Variants in DPEP2 observed in about 807,000 individuals in gnomAD.
DPEP2 encodes dipeptidase 2.
In DPEP2, 45 loss-of-function variants were observed where a neutral mutation model predicts 51.8. That is an observed-to-expected ratio of 0.87 (90% confidence interval 0.68 to 1.11). The LOEUF is 1.11. Among genes scored for constraint, DPEP2 ranks in the 50% most tolerant of loss-of-function variants. The pLI is 0.00. For missense variants in DPEP2, 604 were observed against 631.9 expected, an observed-to-expected ratio of 0.96 and a Z score of 0.47; for synonymous variants, 255 against 262.7, an observed-to-expected ratio of 0.97 and a Z score of 0.28.
Position 67,992,654 on chromosome 16 carries a change from C to G in DPEP2, c.264-18G>C, listed in dbSNP as rs2032320647. 1 of 1,609,926 alleles carries G rather than the reference C, an allele frequency of 6.2e-7. No individual in the cohort carries two copies. Among genetic ancestry groups the G allele is most frequent in the African/African-American group, 1.3e-5 (1 of 74,872 alleles). The stretch of plus-strand genomic sequence containing the variant: ...CGTTGTGGCTGGAGGGATGTCAAGC[C>G]AGGGTCAGGTGAAGAACAGACAGAT... On this transcript the variant is annotated intron_variant, in intron 2 of 10. Transcript: ENST00000393847.
chr16:67,992,881 A>G (rs1229687555), intron 2 of DPEP2, 69 bp downstream of exon 2: 4 of 1,537,714 alleles, frequency 2.6e-6, no homozygotes, highest in South Asian at 2.4e-5. Flanking sequence ...ACAGCCCTGC[A>G]TACTCTGGGA....
intron 1 of DPEP2, among the ~76,000 whole-genome samples, chr16:67,997,017 TTATTA>T (rs1055928577): frequency 6.9e-5 from 10 of 144,646 alleles, no homozygotes; most frequent in Non-Finnish European, 1.5e-4. Context: ...ATTATTATTA[TTATTA>T]TTATTATTAT....
chr16:67,997,650 C>G (rs2032780186), intron 1 of DPEP2, among the ~76,000 whole-genome samples: 1 of 152,178 alleles, frequency 6.6e-6, no homozygotes, highest in Non-Finnish European at 1.5e-5. Flanking sequence ...GCCACCGCGC[C>G]CAGCTCACAT....
At chr16:68,000,390 G>A, upstream of DPEP2, 1 of 973,304 alleles carries the variant, frequency 1.0e-6, no homozygotes, top group Non-Finnish European at 1.2e-6. Context: ...CTGAGTTATA[G>A]CTGCACAGGC....
chr16:67,993,943 C>A (rs531067808), intron 1 of DPEP2: 2 of 985,620 alleles, frequency 2.0e-6, no homozygotes, highest in South Asian at 4.7e-5. Flanking sequence ...CTCCGCCCCC[C>A]GCCCCGACCG....
In DPEP2 at chr16:67,990,882, G is replaced by A. The variant is rs1452721094; in HGVS notation, c.848C>T (p.Ser283Leu). The A allele has an allele frequency of 1.2e-6, 2 of 1,614,184 alleles. No individual in the cohort carries two copies. The highest frequency in any genetic ancestry group is 1.7e-5 in the Admixed American group (1 of 60,024). ...ACTGTTGCACACACCCCGGGCAGCC[G>A]AGTGGGAGAAGATCACAGGTGCCTG... ...VSQAPVIFSHSAARGVCNSAR... is the reference protein window; with the variant it reads ...VSQAPVIFSHLAARGVCNSAR... Residue 283 changes from serine to leucine, a missense_variant, in exon 7 of 11, where the codon TCG becomes TTG. Transcript: ENST00000393847.
rs374079480 is a variant in DPEP2 at position 67,998,567 on chromosome 16, G to A, written c.-46+808C>T. Reference sequence around the variant, plus strand: ...GCCGCCCCCTGCTCCACAGCGCCCAGTCCCATCGACCACCACAGGGCTGAG... The same window carrying A: ...GCCGCCCCCTGCTCCACAGCGCCCAATCCCATCGACCACCACAGGGCTGAG... On this transcript the variant is annotated intron_variant, in intron 1 of 10. Transcript: ENST00000393847. 6.6e-5 allele frequency among the ~76,000 whole-genome samples: 10 copies of A among 152,348 alleles called. No individual in the cohort carries two copies. The East Asian group carries it at 9.6e-4, about 15-fold the overall frequency.
intron 1 of DPEP2, among the ~76,000 whole-genome samples, chr16:67,998,892 T>C (rs2032863680): frequency 6.6e-6 from 1 of 152,132 alleles, no homozygotes. Flanking sequence ...ATTTAGCTAA[T>C]CTGGTGGCGA....
rs776184920 is a variant in DPEP2, at chr16:67,991,889, TAGAAGGTACGTA to T, written c.599_610del (p.Leu200_Phe203del). The T allele has an allele frequency of 6.2e-7, 1 of 1,614,126 alleles. No individual in the cohort carries two copies. The highest frequency in any genetic ancestry group is 1.1e-5 in the South Asian group (1 of 91,088). On this transcript the variant is annotated inframe_deletion, in exon 5 of 11. Transcript: ENST00000393847. The surrounding 1 kb of genome is among the most constrained non-coding windows in gnomAD (Gnocchi z 5.1). The stretch of plus-strand genomic sequence containing the variant: ...CGTCAGGTAGCGCACTCCCAGCATG[TAGAAGGTACGTA>T]AGATGGAGAGGCTATTGTCCAGCGA...
chr16:67,990,245 A>G (rs2151370995), intron 7 of DPEP2, 114 bp from the exon 8 acceptor site: 1 of 935,994 alleles, frequency 1.1e-6, no homozygotes, highest in South Asian at 1.5e-5. Context: ...AGGAGTCAGC[A>G]GAAACTTCAC....
At chr16:68,000,532 C>G (rs2032957927), upstream of DPEP2, 8 of 973,930 alleles carry the variant, frequency 8.2e-6, no homozygotes, top group Non-Finnish European at 9.8e-6. Flanking sequence ...TTGATGTCGC[C>G]CTGGATCTGC....
At chr16:67,996,473 C>T (rs2032703935) in intron 1 of DPEP2, among the ~76,000 whole-genome samples, 1 of 151,910 alleles carries the variant, frequency 6.6e-6, no homozygotes, top group South Asian at 2.1e-4. Context: ...CCTCCACCTC[C>T]TGGGTTCAAG....
rs1194873668 is a variant in DPEP2 at position 67,991,376 on chromosome 16, T to G, written c.663-192A>C. ...CAGTCTTTTTTTTCCTTTTCTTTTT[T>G]TTTTTTTTTTGGCAATAGAGTCTCG... is the stretch of plus-strand genomic sequence containing the variant. On this transcript the variant is annotated intron_variant, in intron 5 of 10. Transcript: ENST00000393847. The surrounding 1 kb of genome is among the most constrained non-coding windows in gnomAD (Gnocchi z 5.1). Among the ~76,000 whole-genome samples, 1 of 151,122 alleles carries G rather than the reference T, an allele frequency of 6.6e-6. No homozygotes were observed. Among genetic ancestry groups the G allele is most frequent in the African/African-American group, 2.4e-5 (1 of 41,182 alleles).
intron 7 of DPEP2, 52 bp downstream of exon 7, chr16:67,990,769 G>T (rs201102950): frequency 6.4e-7 from 1 of 1,571,078 alleles, no homozygotes; most frequent in Non-Finnish European, 8.7e-7. Context: ...TGGCCGAAGG[G>T]CTCCTGGTTT....
rs776016094 is a variant in DPEP2, at chr16:67,993,004, T to C, written c.209A>G (p.Gln70Arg). Residue 70 changes from glutamine (Q) to arginine (R), a missense_variant, in exon 2 of 11, where the codon CAG becomes CGG. Physicochemically the swap from Gln to Arg is conservative, Grantham distance 43. Coordinates refer to ENST00000393847, the MANE Select transcript of DPEP2 (RefSeq NM_022355.4). ...GGCCCGTGCCTGCTCTTGCAGGCCC[T>C]GGGTGCTGGGACTACTGAGTGTGGT... Reference protein sequence around the residue: ...PSTTLSSPSTQGLQEQARALM... With the variant: ...PSTTLSSPSTRGLQEQARALM... The C allele has an allele frequency of 2.5e-6, 4 of 1,607,728 alleles. No individual in the cohort carries two copies.
At position 67,991,869 on chromosome 16, in the gene DPEP2, G is replaced by T; in HGVS notation, c.631C>A (p.Leu211Met). 6.2e-7 allele frequency: 1 copy of T among 1,614,170 alleles called. No individual in the cohort carries two copies. The highest frequency in any genetic ancestry group is 8.5e-7 in the Non-Finnish European group (1 of 1,180,030). ...GTGTTGCAGGTGTGGGTGAGCGTCA[G>T]GTAGCGCACTCCCAGCATGTAGAAG... ...RTFYMLGVRY[L>M]TLTHTCNTPW... The change falls in exon 5 of 11, where the codon CTG (leucine) becomes ATG (methionine). Residue 211 changes from leucine (L) to methionine (M), a missense_variant. Coordinates refer to ENST00000393847, the MANE Select transcript of DPEP2 (RefSeq NM_022355.4). This position sits in a 1 kb window ranked among gnomAD's most constrained non-coding sequence, Gnocchi z 5.1.
chr16:67,998,498 C>T (rs1365400968), intron 1 of DPEP2, among the ~76,000 whole-genome samples: 1 of 152,200 alleles, frequency 6.6e-6, no homozygotes, highest in Non-Finnish European at 1.5e-5. Flanking sequence ...GAGCCTCCCA[C>T]CCCCTCCATG....
rs118178489 is a variant in DPEP2, at chr16:67,994,038, G to A, written c.-45-781C>T. On this transcript the variant is annotated intron_variant, in intron 1 of 10. Transcript: ENST00000393847. ...AGGACCCCAGTGGAGGGATGAGAGCGCAGCAAGCATCTGGCCACTGCCAGG... is the reference window on the plus strand; with the variant it reads ...AGGACCCCAGTGGAGGGATGAGAGCACAGCAAGCATCTGGCCACTGCCAGG... 1.1e-3 allele frequency: 1,074 copies of A among 985,534 alleles called. 29 individuals are homozygous for A. In the East Asian group the frequency reaches 0.078, roughly 72 times the overall value. The allele number at this position is 985,534 out of a possible 1,614,324, so 61.0% of individuals were successfully genotyped here. A position where few individuals can be genotyped will look rare whatever the true frequency, so the allele number is the denominator to read the frequency against.
intron 1 of DPEP2, among the ~76,000 whole-genome samples, chr16:67,998,450 G>A (rs371887938): frequency 6.6e-6 from 1 of 152,132 alleles, no homozygotes; most frequent in Non-Finnish European, 1.5e-5. Context: ...CTGCCTTCCC[G>A]GGGGGGCAGG....
Sources: allele counts gnomAD v4.1 joint callset (sites outside exome capture counted in the v4.1 genomes callset), GRCh38; gene constraint gnomAD v4.1.1; non-coding constraint Gnocchi (gnomAD v3.1); transcripts MANE v1.5; gene names NCBI Gene and HGNC (gene_info 2026-07-23, HGNC 2026-07-21).